Variants in RALGAPA2 observed in about 807,000 individuals in gnomAD.
RALGAPA2 encodes Ral GTPase activating protein catalytic subunit alpha 2.
Under a neutral mutation model 230.4 loss-of-function variants are expected in RALGAPA2, and 139 were observed. The observed-to-expected ratio is 0.60, with a 90% CI of 0.53 to 0.69. The LOEUF (loss-of-function observed/expected upper bound fraction) is 0.69, where lower values mean the gene tolerates loss of function less well. Ranked by LOEUF, RALGAPA2 falls within the 30% of genes least tolerant of loss-of-function variation. The probability of loss-of-function intolerance (pLI) is 0.00; values close to 1 mark genes in which losing one functional copy is unlikely to be tolerated. For synonymous variants in RALGAPA2, 847 were observed against 837.8 expected, an observed-to-expected ratio of 1.01 and a Z score of -0.19; for missense variants, 2,163 against 2,276.0, an observed-to-expected ratio of 0.95 and a Z score of 1.01.
Position 20,605,378 on chromosome 20 carries a change from C to A in RALGAPA2, c.1835G>T (p.Cys612Phe), listed in dbSNP as rs2065788485. 1 of 1,613,722 alleles carries A rather than the reference C, an allele frequency of 6.2e-7. No individual in the cohort carries two copies. ...CCAGAGCTCTCGAGAAATGTACACA[C>A]AGAGGTTTGCTCGGATCCAAGCTAC... is the stretch of plus-strand genomic sequence containing the variant. The part of the protein sequence containing the change: ...LMVAWIRANL[C>F]VYISRELWDD... The change falls in exon 15 of 40, where the codon TGT (cysteine) becomes TTT (phenylalanine). Residue 612 changes from cysteine to phenylalanine, a missense_variant. Cys to Phe is a radical substitution (Grantham distance 205). Coordinates refer to ENST00000202677, the MANE Select transcript of RALGAPA2 (RefSeq NM_020343.4).
chr20:20,434,510 G>A (rs190877808), intron 37 of RALGAPA2, among the ~76,000 whole-genome samples: 162 of 152,260 alleles, frequency 1.1e-3, no homozygotes, highest in African/African-American at 3.8e-3. Context: ...AAAAACAGAC[G>A]GAGGCCACCA....
At chr20:20,594,845 C>T (rs2065402778) in intron 16 of RALGAPA2, among the ~76,000 whole-genome samples, 1 of 151,376 alleles carries the variant, frequency 6.6e-6, no homozygotes, top group African/African-American at 2.4e-5. Context: ...TCTCCTGCCT[C>T]AGCCTCCCAA....
intron 35 of RALGAPA2, among the ~76,000 whole-genome samples, chr20:20,501,727 A>G (rs778109726): frequency 2.0e-5 from 3 of 152,210 alleles, no homozygotes; most frequent in South Asian, 2.1e-4. Context: ...CTTTTGCCCT[A>G]TCTCAGCTTT....
At chr20:20,618,012 C>A (rs1306873676) in intron 12 of RALGAPA2, among the ~76,000 whole-genome samples, 15 of 151,982 alleles carry the variant, frequency 9.9e-5, no homozygotes, top group Admixed American at 9.8e-4. Flanking sequence ...TGACTTTAAG[C>A]AAGATATAAA....
chr20:20,503,649 T>C, intron 34 of RALGAPA2, 143 bp from the exon 35 acceptor site: 1 of 632,032 alleles, frequency 1.6e-6, no homozygotes, highest in Non-Finnish European at 2.4e-6. Context: ...TAATACAAAG[T>C]TAGACCAGAT....
intron 33 of RALGAPA2, among the ~76,000 whole-genome samples, chr20:20,510,953 A>G (rs1429623901): frequency 6.6e-6 from 1 of 152,204 alleles, no homozygotes; most frequent in Non-Finnish European, 1.5e-5. Flanking sequence ...TTTCTTCATC[A>G]TAAGGAGGTG....
intron 3 of RALGAPA2, among the ~76,000 whole-genome samples, chr20:20,664,740 G>A (rs2067902550): frequency 6.6e-6 from 1 of 152,158 alleles, no homozygotes; most frequent in South Asian, 2.1e-4. Flanking sequence ...GGAGTGATGA[G>A]TAGAGAATAA....
intron 36 of RALGAPA2, among the ~76,000 whole-genome samples, chr20:20,482,750 G>A (rs1481199971): frequency 1.4e-4 from 22 of 152,206 alleles, no homozygotes; most frequent in Admixed American, 1.4e-3. Flanking sequence ...ACAAAAGGAA[G>A]TGAGGCAGGC....
rs767971398 is a variant in RALGAPA2 at position 20,623,555 on chromosome 20, T to A, written c.1234-2925A>T. Among the ~76,000 whole-genome samples, 16 of 149,602 alleles carry A rather than the reference T, an allele frequency of 1.1e-4. No homozygotes were observed. The East Asian group carries it at 3.1e-3, about 29-fold the overall frequency. On this transcript the variant is annotated intron_variant, in intron 10 of 39. Coordinates refer to ENST00000202677, the MANE Select transcript of RALGAPA2 (RefSeq NM_020343.4). ...GAGTAGGATACTCTTCCAAAAGTGG[T>A]AGAACACTAAGCAAAAAAATAATGC...
chr20:20,517,877 C>T (rs2062920648), intron 31 of RALGAPA2, among the ~76,000 whole-genome samples: 1 of 149,204 alleles, frequency 6.7e-6, no homozygotes, highest in East Asian at 1.9e-4. Context: ...ACAGTCTACA[C>T]AAATGAGAAG....
intron 39 of RALGAPA2, 71 bp from the exon 40 acceptor site, chr20:20,393,324 G>A: frequency 8.8e-7 from 1 of 1,132,868 alleles, no homozygotes; most frequent in South Asian, 1.6e-5. Context: ...TTTCAGGGAG[G>A]ATCTGTGGCA....
intron 24 of RALGAPA2, among the ~76,000 whole-genome samples, chr20:20,539,495 T>A (rs2063583133): frequency 6.6e-6 from 1 of 152,214 alleles, no homozygotes. Flanking sequence ...TACTAAAGCA[T>A]AATTAATAAA....
At chr20:20,482,955 T>C (rs1159155908) in intron 36 of RALGAPA2, among the ~76,000 whole-genome samples, 2 of 152,232 alleles carry the variant, frequency 1.3e-5, no homozygotes, top group African/African-American at 4.8e-5. Context: ...CTCCTGCTCA[T>C]CTACCCACAT....
intron 10 of RALGAPA2, among the ~76,000 whole-genome samples, chr20:20,626,958 T>C (rs577806455): frequency 2.0e-4 from 30 of 152,318 alleles, no homozygotes; most frequent in African/African-American, 5.8e-4. Context: ...CTATAGATGA[T>C]ACACTCCAGG....
chr20:20,619,053 GTCT>G (rs2066242540), intron 12 of RALGAPA2, among the ~76,000 whole-genome samples: 1 of 152,136 alleles, frequency 6.6e-6, no homozygotes, highest in African/African-American at 2.4e-5. Flanking sequence ...CAGTTTTTAT[GTCT>G]TCTTTGACTA....
intron 37 of RALGAPA2, among the ~76,000 whole-genome samples, chr20:20,424,812 AAAG>A (rs1315544097): frequency 3.0e-4 from 45 of 152,314 alleles, no homozygotes; most frequent in African/African-American, 9.9e-4. Context: ...TAAAAAAAAA[AAAG>A]AAGAAATGCA....
At chr20:20,414,427 C>A (rs144701258) in intron 37 of RALGAPA2, among the ~76,000 whole-genome samples, 1 of 152,166 alleles carries the variant, frequency 6.6e-6, no homozygotes, top group Admixed American at 6.5e-5. Context: ...AACTACTCTG[C>A]GGAAGCCACG....
intron 39 of RALGAPA2, among the ~76,000 whole-genome samples, chr20:20,394,889 C>CAAAAAAAAAAAAAAAAAAAAAAAAAA (rs10673778): frequency 2.2e-5 from 1 of 44,648 alleles, no homozygotes; most frequent in Non-Finnish European, 3.9e-5. Flanking sequence ...AATAAATAAG[C>CAAAAAAAAAAAAAAAAAAAAAAAAAA]AAAAAAAAAA....
intron 36 of RALGAPA2, among the ~76,000 whole-genome samples, chr20:20,482,248 G>A (rs1366454793): frequency 6.6e-6 from 1 of 152,182 alleles, no homozygotes; most frequent in African/African-American, 2.4e-5. Context: ...GGGCTGTGGG[G>A]GAATACAGAT....
Sources: allele counts gnomAD v4.1 joint callset (sites outside exome capture counted in the v4.1 genomes callset), GRCh38; gene constraint gnomAD v4.1.1; transcripts MANE v1.5; gene names NCBI Gene and HGNC (gene_info 2026-07-23, HGNC 2026-07-21).